EPHA6: variants seen among roughly 807,000 people sequenced by gnomAD.
The protein encoded by EPHA6 is EPH receptor A6, also known as ephrin type-A receptor 6.
In EPHA6, 50 loss-of-function variants were observed where a neutral mutation model predicts 112.0. The observed-to-expected ratio is 0.45, with a 90% confidence interval of 0.36 to 0.56. The LOEUF is 0.56. EPHA6 is among the 20% of genes least tolerant of loss of function. The pLI, the probability that EPHA6 is intolerant of heterozygous loss-of-function variation, is 0.00. For missense variants in EPHA6, 1,280 were observed against 1,417.4 expected, an observed-to-expected ratio of 0.90 and a Z score of 1.56; for synonymous variants, 529 against 490.7, an observed-to-expected ratio of 1.08 and a Z score of -1.03.
intron 5 of EPHA6, among the ~76,000 whole-genome samples, chr3:97,404,553 A>G (rs2087210906): frequency 1.3e-5 from 2 of 152,160 alleles, no homozygotes; most frequent in South Asian, 4.1e-4. Flanking sequence ...TTAGAATTAT[A>G]ATATATGGAA....
intron 3 of EPHA6, among the ~76,000 whole-genome samples, chr3:97,133,323 A>T (rs1213028883): frequency 6.6e-6 from 1 of 152,060 alleles, no homozygotes; most frequent in African/African-American, 2.4e-5. Context: ...GTTTTTTAAG[A>T]TATGTAAATC....
intron 11 of EPHA6, among the ~76,000 whole-genome samples, chr3:97,570,300 T>C (rs1441254505): frequency 2.6e-5 from 4 of 152,166 alleles, no homozygotes; most frequent in Non-Finnish European, 5.9e-5. Flanking sequence ...GAAGACAGTA[T>C]GGAAGGCACT....
At chr3:97,331,573 A>T (rs1264422503) in intron 5 of EPHA6, among the ~76,000 whole-genome samples, 1 of 152,234 alleles carries the variant, frequency 6.6e-6, no homozygotes, top group Non-Finnish European at 1.5e-5. Flanking sequence ...ATCACCACTG[A>T]TCCCACAGAA....
intron 6 of EPHA6, among the ~76,000 whole-genome samples, chr3:97,443,510 C>G (rs2090214278): frequency 6.6e-6 from 1 of 152,070 alleles, no homozygotes; most frequent in Non-Finnish European, 1.5e-5. Context: ...AAAAGAGTCT[C>G]CTGGACTTTA....
chr3:97,561,550 A>G (rs560360627), intron 11 of EPHA6, among the ~76,000 whole-genome samples: 2 of 152,198 alleles, frequency 1.3e-5, no homozygotes, highest in Admixed American at 6.6e-5. Context: ...CAAAAATTTT[A>G]AAGCTACCAG....
intron 14 of EPHA6, among the ~76,000 whole-genome samples, chr3:97,679,481 G>A (rs755097667): frequency 6.6e-6 from 1 of 152,170 alleles, no homozygotes; most frequent in Non-Finnish European, 1.5e-5. Flanking sequence ...GTTGCAGGAA[G>A]CTGTTTAAAA....
At chr3:97,747,357 C>T (rs886413042) in intron 16 of EPHA6, 66 bp from the exon 17 acceptor site, 27 of 1,303,896 alleles carry the variant, frequency 2.1e-5, no homozygotes, top group South Asian at 9.6e-5. Context: ...AATAAAGTTC[C>T]GTGATTTGTG....
chr3:97,332,714 G>T (rs1399972056), intron 5 of EPHA6, among the ~76,000 whole-genome samples: 1 of 152,076 alleles, frequency 6.6e-6, no homozygotes, highest in African/African-American at 2.4e-5. Context: ...TGGAGAAAGG[G>T]ATATAGACTT....
At chr3:97,193,322 C>T (rs1018144483) in intron 3 of EPHA6, among the ~76,000 whole-genome samples, 4 of 151,984 alleles carry the variant, frequency 2.6e-5, no homozygotes, top group African/African-American at 9.7e-5. Context: ...TTTGCATCAA[C>T]ATTTTACAAT....
At chr3:97,183,554 A>G (rs1323929901) in intron 3 of EPHA6, among the ~76,000 whole-genome samples, 1 of 152,136 alleles carries the variant, frequency 6.6e-6, no homozygotes, top group East Asian at 1.9e-4. Flanking sequence ...ATTCTAAACT[A>G]ATTTATGTAA....
rs2036106057 is a variant in EPHA6 at position 97,759,522 on chromosome 3, C to T, written c.*10821C>T. On this transcript the variant is annotated 3_prime_UTR_variant, in exon 18 of 18. Coordinates refer to ENST00000389672, the MANE Select transcript of EPHA6 (RefSeq NM_001080448.3). ...GGCAGACAGGGGAAAACTGATTATG[C>T]AAGAGAGATGATAATTGTAACAAAG... 2 of 230,182 alleles carry T rather than the reference C, an allele frequency of 8.7e-6. No individual in the cohort carries two copies. The highest frequency in any genetic ancestry group is 2.2e-5 in the African/African-American group (1 of 45,152). The allele number at this position is 230,182 out of a possible 1,614,324, so 14.3% of individuals were successfully genotyped here.
intron 3 of EPHA6, among the ~76,000 whole-genome samples, chr3:97,138,306 T>G (rs2108345534): frequency 6.6e-6 from 1 of 152,176 alleles, no homozygotes; most frequent in East Asian, 1.9e-4. Flanking sequence ...TGGGAGCCCA[T>G]CCCCCAAGGC....
chr3:97,732,477 TC>T (rs1374602652), intron 15 of EPHA6, among the ~76,000 whole-genome samples: 2 of 152,052 alleles, frequency 1.3e-5, no homozygotes, highest in Non-Finnish European at 2.9e-5. Flanking sequence ...TGTTATGTTA[TC>T]CCTTGAACAC....
intron 5 of EPHA6, among the ~76,000 whole-genome samples, chr3:97,404,302 C>CAG (rs200538133): frequency 0.12 from 17,938 of 152,074 alleles, 3,375 homozygotes; most frequent in African/African-American, 0.4. Flanking sequence ...GCCTAGCCAA[C>CAG]AGTGTCTTAC....
At chr3:97,510,342 G>A (rs1477498813) in intron 10 of EPHA6, among the ~76,000 whole-genome samples, 1 of 152,148 alleles carries the variant, frequency 6.6e-6, no homozygotes, top group African/African-American at 2.4e-5. Flanking sequence ...TTTGGTCTTT[G>A]ATGTTGGTGA....
At chr3:97,067,837 T>A (rs1490566270) in intron 3 of EPHA6, among the ~76,000 whole-genome samples, 1 of 151,902 alleles carries the variant, frequency 6.6e-6, no homozygotes, top group Non-Finnish European at 1.5e-5. Flanking sequence ...TAAGTAGCAC[T>A]AGTTCAATAA....
chr3:97,472,710 A>G (rs1363354381), intron 7 of EPHA6, among the ~76,000 whole-genome samples: 2 of 151,858 alleles, frequency 1.3e-5, no homozygotes, highest in Non-Finnish European at 2.9e-5. Flanking sequence ...ACACAATATC[A>G]TAGTACAATT....
intron 9 of EPHA6, among the ~76,000 whole-genome samples, chr3:97,482,907 G>T (rs540067228): frequency 6.6e-6 from 1 of 152,090 alleles, no homozygotes; most frequent in Non-Finnish European, 1.5e-5. Flanking sequence ...TATTCGGAAC[G>T]ATAGAAAGAT....
At chr3:97,647,027 G>A (rs1311414941) in intron 14 of EPHA6, among the ~76,000 whole-genome samples, 1 of 152,180 alleles carries the variant, frequency 6.6e-6, no homozygotes, top group Non-Finnish European at 1.5e-5. Context: ...ACAAAACTCA[G>A]TCTGTCCCAT....
Sources: allele counts gnomAD v4.1 joint callset (sites outside exome capture counted in the v4.1 genomes callset), GRCh38; gene constraint gnomAD v4.1.1; transcripts MANE v1.5; gene names NCBI Gene and HGNC (gene_info 2026-07-23, HGNC 2026-07-21).